The following GRIK4 variants were observed in gnomAD, a reference collection of about 807,000 sequenced individuals.
GRIK4 encodes glutamate receptor ionotropic, kainate 4.
Under a neutral mutation model 104.9 loss-of-function variants are expected in GRIK4, and 40 were observed. The observed-to-expected ratio is 0.38, with a 90% CI of 0.30 to 0.50. The LOEUF (loss-of-function observed/expected upper bound fraction) is 0.50, where lower values mean the gene tolerates loss of function less well. Among genes scored for constraint, GRIK4 ranks in the 20% least tolerant of loss-of-function variants. The pLI, the probability that GRIK4 is intolerant of heterozygous loss-of-function variation, is 0.93. For missense variants in GRIK4, 1,047 were observed against 1,308.1 expected (o/e 0.80, Z 3.08); for synonymous variants, 485 against 524.9 (o/e 0.92, Z 1.04).
intron 1 of GRIK4, among the ~76,000 whole-genome samples, chr11:120,608,895 C>T (rs1368650198): frequency 6.6e-6 from 1 of 152,160 alleles, no homozygotes; most frequent in Non-Finnish European, 1.5e-5. Flanking sequence ...CCAGCAGGAG[C>T]CTTTTTTTCT....
chr11:120,641,296 T>C (rs897865735), intron 1 of GRIK4, among the ~76,000 whole-genome samples: 26 of 152,150 alleles, frequency 1.7e-4, no homozygotes, highest in African/African-American at 6.0e-4. Flanking sequence ...TGTTATAATA[T>C]TGTAATCTCA....
chr11:120,565,098 G>T (rs972659705), intron 1 of GRIK4, among the ~76,000 whole-genome samples: 1 of 152,206 alleles, frequency 6.6e-6, no homozygotes, highest in African/African-American at 2.4e-5. Context: ...AGGCAGTGAT[G>T]CGGGGCAGCG....
Position 120,831,873 on chromosome 11 carries a change from T to A in GRIK4, c.533T>A (p.Leu178Gln). ...KAECLLNLEK[L>Q]LRQFLISKDT... ...CCAGGCCTTTTAAACCTAGAGAAGC[T>A]GCTCCGGCAATTCCTTATCTCCAAG... is the stretch of plus-strand genomic sequence containing the variant. Residue 178 changes from leucine to glutamine, a missense_variant, in exon 7 of 21, where the codon CTG (leucine) becomes CAG (glutamine). Physicochemically the swap from Leu to Gln is moderately radical, Grantham distance 113 (BLOSUM62 -2). Coordinates refer to ENST00000527524, the MANE Select transcript of GRIK4 (RefSeq NM_014619.5). 2 of 1,613,870 alleles carry A rather than the reference T, an allele frequency of 1.2e-6. No homozygotes were observed. The highest frequency in any genetic ancestry group is 1.7e-6 in the Non-Finnish European group (2 of 1,179,858).
chr11:120,826,994 G>A (rs557284501), intron 6 of GRIK4, among the ~76,000 whole-genome samples: 12 of 152,242 alleles, frequency 7.9e-5, no homozygotes, highest in African/African-American at 2.9e-4. Flanking sequence ...AGGACACTAT[G>A]TGCCATATTG....
chr11:120,604,508 C>A (rs1948932920), intron 1 of GRIK4, among the ~76,000 whole-genome samples: 1 of 152,206 alleles, frequency 6.6e-6, no homozygotes, highest in Non-Finnish European at 1.5e-5. Context: ...TGTGCCCAGA[C>A]CTGGGAAGTT....
At chr11:120,980,062 C>G (rs1944626119) in intron 19 of GRIK4, among the ~76,000 whole-genome samples, 2 of 152,178 alleles carry the variant, frequency 1.3e-5, no homozygotes, top group African/African-American at 4.8e-5. Flanking sequence ...TCTCGAACTC[C>G]TGACATCAAG....
rs7929843 is a variant in GRIK4, at chr11:120,644,044, T to A, written c.-158-9641T>A. 9.3e-3 allele frequency among the ~76,000 whole-genome samples: 1,043 copies of A among 112,682 alleles called. 6 individuals are homozygous for A. The highest frequency in any genetic ancestry group is 0.039 in the South Asian group (136 of 3,444). 73.9% of individuals were successfully genotyped at this position (112,682 alleles called of 152,430 possible). ...GTGTGTGTGTGTGTGTGTGTGTGTG[T>A]GAGAGAGAGAGAGAGGAGAGAGAGA... is the stretch of plus-strand genomic sequence containing the variant. On this transcript the variant is annotated intron_variant, in intron 1 of 20. Coordinates refer to ENST00000527524, the MANE Select transcript of GRIK4 (RefSeq NM_014619.5).
At chr11:120,646,420 G>T (rs1461102579) in intron 1 of GRIK4, among the ~76,000 whole-genome samples, 4 of 152,202 alleles carry the variant, frequency 2.6e-5, no homozygotes. Context: ...AGCTTGTGCG[G>T]ATAACCACTC....
chr11:120,927,669 T>C (rs1943383407), intron 13 of GRIK4, among the ~76,000 whole-genome samples: 1 of 152,102 alleles, frequency 6.6e-6, no homozygotes, highest in Non-Finnish European at 1.5e-5. Flanking sequence ...CCTTCAATTA[T>C]GAATGTGGTC....
intron 3 of GRIK4, among the ~76,000 whole-genome samples, chr11:120,729,004 G>A (rs929413709): frequency 5.3e-5 from 8 of 152,168 alleles, no homozygotes; most frequent in Non-Finnish European, 8.8e-5. Context: ...AAACAAGTGA[G>A]AACATGCGAA....
At chr11:120,788,603 C>A (rs986389456) in intron 3 of GRIK4, among the ~76,000 whole-genome samples, 7 of 151,798 alleles carry the variant, frequency 4.6e-5, no homozygotes, top group South Asian at 4.2e-4. Context: ...AAGGGGGAGC[C>A]GTCCCTTCTC....
intron 1 of GRIK4, among the ~76,000 whole-genome samples, chr11:120,633,122 A>C (rs906929547): frequency 2.0e-5 from 3 of 152,162 alleles, no homozygotes; most frequent in African/African-American, 7.2e-5. Flanking sequence ...AGCGCCATGC[A>C]GAAGAGTAGA....
At chr11:120,575,907 G>A (rs762817133) in intron 1 of GRIK4, 4 of 151,700 alleles carry the variant, frequency 2.6e-5, no homozygotes, top group Admixed American at 6.6e-5. Flanking sequence ...AGGCTGCAGT[G>A]AGTTATGATC....
At chr11:120,863,294 C>G (rs533341145) in intron 9 of GRIK4, among the ~76,000 whole-genome samples, 59 of 152,332 alleles carry the variant, frequency 3.9e-4, no homozygotes, top group African/African-American at 1.3e-3. Context: ...CAAATACTTA[C>G]CACTGTGTTG....
intron 20 of GRIK4, among the ~76,000 whole-genome samples, chr11:120,983,089 C>T (rs118120818): frequency 0.01 from 1,592 of 152,298 alleles, 27 homozygotes; most frequent in Non-Finnish European, 0.012. Context: ...CATCTCCCCA[C>T]AGCTCAGCCA....
intron 8 of GRIK4, among the ~76,000 whole-genome samples, chr11:120,842,152 C>T (rs1201960990): frequency 1.3e-5 from 2 of 152,138 alleles, no homozygotes; most frequent in African/African-American, 4.8e-5. Context: ...CAGATAAACC[C>T]CCAGATCTCA....
At chr11:120,545,689 T>C (rs1425372061) in intron 1 of GRIK4, among the ~76,000 whole-genome samples, 1 of 152,186 alleles carries the variant, frequency 6.6e-6, no homozygotes, top group African/African-American at 2.4e-5. Flanking sequence ...ACAGTGGCAA[T>C]GGATTTTGAA....
rs116402711 is a variant in GRIK4 at position 120,574,954 on chromosome 11, A to T, written c.-159+63067A>T. Among the ~76,000 whole-genome samples the T allele has an allele frequency of 1.8e-3, 279 of 152,340 alleles. 1 individual carries two copies. The highest frequency in any genetic ancestry group is 5.2e-3 in the Admixed American group (79 of 15,304). The stretch of plus-strand genomic sequence containing the variant: ...TCAAGGAATGTCTAACATTGAGGAC[A>T]TGGGAACTAAAGACTATATCTTCTG... On this transcript the variant is annotated intron_variant, in intron 1 of 20. Transcript: ENST00000527524.
chr11:120,601,666 T>TTA (rs1948889294), intron 1 of GRIK4, among the ~76,000 whole-genome samples: 1 of 148,458 alleles, frequency 6.7e-6, no homozygotes, highest in Non-Finnish European at 1.5e-5. Context: ...TTTTTTTTTT[T>TTA]AAGTTGGAAT....
Sources: allele counts gnomAD v4.1 joint callset (sites outside exome capture counted in the v4.1 genomes callset), GRCh38; gene constraint gnomAD v4.1.1; transcripts MANE v1.5; gene names NCBI Gene and HGNC (gene_info 2026-07-23, HGNC 2026-07-21).